Variants in RANGAP1 observed in about 807,000 individuals in gnomAD.
RANGAP1 encodes Ran GTPase activating protein 1.
Under a neutral mutation model 63.5 loss-of-function variants are expected in RANGAP1, and 38 were observed. The ratio of observed to expected loss-of-function variants is 0.60; its 90% CI spans 0.46 to 0.78. The LOEUF (loss-of-function observed/expected upper bound fraction) is 0.78, where lower values mean the gene tolerates loss of function less well. RANGAP1 is among the 30% of genes least tolerant of loss of function. The probability of loss-of-function intolerance (pLI) is 0.00; values close to 1 mark genes in which losing one functional copy is unlikely to be tolerated. For synonymous variants in RANGAP1, 329 were observed against 310.5 expected, an observed-to-expected ratio of 1.06 and a Z score of -0.63; for missense variants, 630 against 740.3, an observed-to-expected ratio of 0.85 and a Z score of 1.73.
intron 6 of RANGAP1, among the ~76,000 whole-genome samples, chr22:41,259,602 T>C (rs2034044773): frequency 6.6e-6 from 1 of 152,162 alleles, no homozygotes; most frequent in African/African-American, 2.4e-5. Flanking sequence ...TACTGTAATT[T>C]TGATGTAGTG....
Position 41,257,268 on chromosome 22 carries a change from C to T in RANGAP1, c.775-444G>A, listed in dbSNP as rs114777450. Among the ~76,000 whole-genome samples, 296 of 152,304 alleles carry T rather than the reference C, an allele frequency of 1.9e-3. 3 individuals carry two copies. The highest frequency in any genetic ancestry group is 6.9e-3 in the African/African-American group (286 of 41,578). On this transcript the variant is annotated intron_variant, in intron 7 of 15. Transcript: ENST00000356244. The surrounding 1 kb of genome is among the most constrained non-coding windows in gnomAD (Gnocchi z 4.0). Reference sequence around the variant, plus strand: ...ACATCTCTGCTAACACACAGGCAGCCGGACTAGCCTTCTGTGGGGCCACGG... The same window carrying T: ...ACATCTCTGCTAACACACAGGCAGCTGGACTAGCCTTCTGTGGGGCCACGG...
rs1403575123 is a variant in RANGAP1 at position 41,251,058 on chromosome 22, A to G, written c.1432T>C (p.Ser478Pro). ...ACAGTAGCTTCGTCCTTGAACACAG[A>G]TGACACCTTTAGGAAGGCAGAGACC... ...KVVSAFLKVS[S>P]VFKDEATVRM... The change falls in exon 13 of 16, where the codon TCT (serine) becomes CCT (proline). Residue 478 changes from serine to proline, a missense_variant. Around this residue, in one of 3 missense-constraint regions of RANGAP1, gnomAD observed 428 missense variants for 465.5 expected, o/e 0.92. Transcript: ENST00000356244. 1.9e-6 allele frequency: 3 copies of G among 1,614,178 alleles called. No homozygotes were observed. The highest frequency in any genetic ancestry group is 2.2e-5 in the East Asian group (1 of 44,882).
chr22:41,270,591 G>A (rs562253375), intron 3 of RANGAP1, among the ~76,000 whole-genome samples: 23 of 152,328 alleles, frequency 1.5e-4, no homozygotes, highest in African/African-American at 5.1e-4. Flanking sequence ...GGGACTACAT[G>A]TGTGTACCAA....
At chr22:41,250,945 T>C in intron 13 of RANGAP1, 62 bp downstream of exon 13, 1 of 1,386,212 alleles carries the variant, frequency 7.2e-7, no homozygotes, top group Non-Finnish European at 1.0e-6. Flanking sequence ...CCACGAAGGA[T>C]ACCTGGGGCC....
chr22:41,279,423 T>C lies in RANGAP1; in HGVS notation c.112+1510A>G, dbSNP rs191092181. On this transcript the variant is annotated intron_variant, in intron 2 of 15. Transcript: ENST00000356244. ...AGGCAGAGCTTACAGTGAGCCGAGA[T>C]TGCACCACTGCACTCCAGCCTGGGT... 5.3e-4 allele frequency among the ~76,000 whole-genome samples: 81 copies of C among 151,416 alleles called. 1 individual carries two copies. Among genetic ancestry groups the C allele is most frequent in the Middle Eastern group, 6.9e-3 (2 of 290 alleles).
intron 11 of RANGAP1, 57 bp from the exon 12 acceptor site, chr22:41,253,048 C>T: frequency 7.3e-7 from 1 of 1,361,528 alleles, no homozygotes; most frequent in Non-Finnish European, 9.5e-7. Flanking sequence ...CTCCCCGACA[C>T]AGCTGTGCCC....
rs551524126 is a variant in RANGAP1, at chr22:41,280,613, C to A, written c.112+320G>T. The stretch of plus-strand genomic sequence containing the variant: ...GTTAAGGGCAAGGGTGGGGACAACA[C>A]CGGATATTAAGTCAGAGTCAGAGGC... On this transcript the variant is annotated intron_variant, in intron 2 of 15. Transcript: ENST00000356244. 4.1e-6 allele frequency: 5 copies of A among 1,234,058 alleles called. No individual in the cohort carries two copies. In the South Asian group the frequency reaches 6.3e-5, roughly 16 times the overall value. 76.4% of individuals were successfully genotyped at this position (1,234,058 alleles called of 1,614,324 possible).
At chr22:41,269,911 G>A (rs896417716) in intron 3 of RANGAP1, among the ~76,000 whole-genome samples, 51 of 152,264 alleles carry the variant, frequency 3.3e-4, no homozygotes, top group African/African-American at 8.4e-4. Flanking sequence ...TCGGCTCACT[G>A]CAATCTCCGC....
At chr22:41,297,686 C>CTT in the RANGAP1 span, among the ~76,000 whole-genome samples, 133 of 93,358 alleles carry the variant, frequency 1.4e-3, no homozygotes, top group Middle Eastern at 6.8e-3. Context: ...CCACACCTGG[C>CTT]TTTTTTTTTT....
intron 4 of RANGAP1, among the ~76,000 whole-genome samples, chr22:41,266,787 C>A (rs558157153): frequency 6.6e-6 from 1 of 152,168 alleles, no homozygotes; most frequent in Non-Finnish European, 1.5e-5. Flanking sequence ...ACGTGCACCG[C>A]CCCCCACCTT....
intron 4 of RANGAP1, among the ~76,000 whole-genome samples, chr22:41,267,763 G>A (rs73430577): frequency 0.021 from 3,266 of 152,232 alleles, 92 homozygotes; most frequent in African/African-American, 0.074. Context: ...TGCAGGAAGG[G>A]GTTGCCAGGA....
intron 5 of RANGAP1, among the ~76,000 whole-genome samples, chr22:41,263,583 C>A (rs2034296458): frequency 6.6e-6 from 1 of 152,238 alleles, no homozygotes; most frequent in South Asian, 2.1e-4. Flanking sequence ...TGGGGTTTCA[C>A]CATGTTGGCC....
chr22:41,253,159 A>C, intron 11 of RANGAP1, 168 bp from the exon 12 acceptor site: 1 of 690,154 alleles, frequency 1.4e-6, no homozygotes, highest in Non-Finnish European at 2.0e-6. Flanking sequence ...TATCAATATC[A>C]CCCAGAGATG....
chr22:41,293,077 T>TA, the RANGAP1 span, among the ~76,000 whole-genome samples: 1 of 151,184 alleles, frequency 6.6e-6, no homozygotes, highest in Non-Finnish European at 1.5e-5. Context: ...CTACTAAAAA[T>TA]ACAAAAAATT....
At chr22:41,289,083 C>T (rs1383833634), upstream of RANGAP1, among the ~76,000 whole-genome samples, 6 of 151,696 alleles carry the variant, frequency 4.0e-5, no homozygotes, top group Admixed American at 4.0e-4. Flanking sequence ...CCACCACGCC[C>T]GGCTAATTTT....
At chr22:41,264,096 A>G (rs1205220923) in intron 5 of RANGAP1, among the ~76,000 whole-genome samples, 1 of 152,144 alleles carries the variant, frequency 6.6e-6, no homozygotes, top group Admixed American at 6.5e-5. Flanking sequence ...GTGTCCTCCA[A>G]CCCTGGGTCT....
At chr22:41,249,583 C>A in intron 14 of RANGAP1, 132 bp from the exon 15 acceptor site, 1 of 1,535,098 alleles carries the variant, frequency 6.5e-7, no homozygotes, top group Non-Finnish European at 8.9e-7. Context: ...AAGACCAAGG[C>A]TGCTGGGGCA....
intron 12 of RANGAP1, among the ~76,000 whole-genome samples, chr22:41,252,078 AC>A (rs2033492061): frequency 6.6e-6 from 1 of 152,110 alleles, no homozygotes; most frequent in African/African-American, 2.4e-5. Flanking sequence ...CATGCCTGTA[AC>A]CCTAGCACTT....
rs9611531 is a variant in RANGAP1 at position 41,270,411 on chromosome 22, C to G, written c.241-2255G>C. On this transcript the variant is annotated intron_variant, in intron 3 of 15. Transcript: ENST00000356244. ...CCACCTGCCTCAGCCTCCCAAAGTG[C>G]TGGGATTATAGGCATGAGAGCCACC... Among the ~76,000 whole-genome samples, 1,027 of 152,332 alleles carry G rather than the reference C, an allele frequency of 6.7e-3. 4 individuals are homozygous for G. The highest frequency in any genetic ancestry group is 0.011 in the Non-Finnish European group (779 of 68,036).
Sources: gnomAD v4.1 joint callset for allele counts (sites outside exome capture counted in the v4.1 genomes callset) on GRCh38, gnomAD v4.1.1 for gene constraint, gnomAD v4.1.1 regional missense constraint, Gnocchi (gnomAD v3.1) non-coding constraint, MANE v1.5 for transcripts, NCBI Gene and HGNC (gene_info 2026-07-23, HGNC 2026-07-21) for gene names.